The following DIP2C variants were observed in gnomAD, a reference collection of about 807,000 sequenced individuals.
DIP2C encodes the protein disco-interacting protein 2 homolog C.
A neutral mutation model predicts 192.4 loss-of-function variants in DIP2C; 33 were observed. The observed-to-expected ratio is 0.17, with a 90% CI of 0.13 to 0.23. The LOEUF is 0.23. Ranked by LOEUF, DIP2C falls within the 10% of genes least tolerant of loss-of-function variation. DIP2C has a pLI of 1.00. For synonymous variants in DIP2C, 979 were observed against 864.1 expected (o/e 1.13, Z -2.33); for missense variants, 1,537 against 2,110.1 (o/e 0.73, Z 5.32).
intron 1 of DIP2C, among the ~76,000 whole-genome samples, chr10:547,734 AATC>A (rs1307528360): frequency 6.6e-6 from 1 of 152,118 alleles, no homozygotes; most frequent in African/African-American, 2.4e-5. Context: ...GGCTCCCAGA[AATC>A]ATCCTCAAAT....
intron 1 of DIP2C, among the ~76,000 whole-genome samples, chr10:570,125 C>G (rs1172233894): frequency 6.6e-6 from 1 of 152,206 alleles, no homozygotes; most frequent in Non-Finnish European, 1.5e-5. Flanking sequence ...TAGCACTGCA[C>G]AAATCCATGT....
intron 1 of DIP2C, among the ~76,000 whole-genome samples, chr10:605,522 G>A (rs925994136): frequency 6.6e-6 from 1 of 152,200 alleles, no homozygotes; most frequent in Non-Finnish European, 1.5e-5. Context: ...AGACTGTGCT[G>A]GAGAAAGCTC....
rs1857091067 is a variant in DIP2C at position 666,389 on chromosome 10, C to T, written c.85+23105G>A. The T allele has an allele frequency of 6.6e-6, 1 of 152,284 alleles. No homozygotes were observed. Among genetic ancestry groups the T allele is most frequent in the Non-Finnish European group, 1.5e-5 (1 of 68,114 alleles). 9.4% of individuals were successfully genotyped at this position (152,284 alleles called of 1,614,324 possible). ...GCCTCCCTCCCTCACCGCCCTCCCG[C>T]ACTGATGTGAACACGGGAGTAACAC... On this transcript the variant is annotated intron_variant, in intron 1 of 36. Transcript: ENST00000280886. The surrounding 1 kb of genome is among the most constrained non-coding windows in gnomAD (Gnocchi z 4.1).
intron 1 of DIP2C, among the ~76,000 whole-genome samples, chr10:617,809 T>C (rs1327632076): frequency 6.6e-6 from 1 of 151,930 alleles, no homozygotes; most frequent in Non-Finnish European, 1.5e-5. Context: ...ATCCAGGCTC[T>C]GGTGGGTAAC....
intron 1 of DIP2C, chr10:650,554 T>C (rs1855812963): frequency 3.1e-6 from 2 of 646,026 alleles, no homozygotes; most frequent in Non-Finnish European, 5.6e-6. Context: ...TCCCTGAGAA[T>C]GGGATGCAGA....
chr10:436,288 G>A (rs569556872), intron 4 of DIP2C, among the ~76,000 whole-genome samples: 27 of 152,326 alleles, frequency 1.8e-4, no homozygotes, highest in African/African-American at 5.3e-4. Context: ...TGTTGAGCAC[G>A]CTCAGGATCC....
At chr10:341,881 A>G (rs1014246916) in intron 28 of DIP2C, among the ~76,000 whole-genome samples, 1 of 152,160 alleles carries the variant, frequency 6.6e-6, no homozygotes, top group Non-Finnish European at 1.5e-5. Context: ...TGTCTCTTCA[A>G]TAAATTTTAG....
intron 30 of DIP2C, among the ~76,000 whole-genome samples, chr10:328,245 A>G (rs1488406472): frequency 6.6e-6 from 1 of 152,210 alleles, no homozygotes; most frequent in African/African-American, 2.4e-5. Flanking sequence ...CACAAATTAC[A>G]TATTCACACG....
Position 414,904 on chromosome 10 carries a change from A to ATC in DIP2C, c.860-795_860-794insGA, listed in dbSNP as rs1227372945. Among the ~76,000 whole-genome samples, 2 of 77,770 alleles carry ATC rather than the reference A, an allele frequency of 2.6e-5. 1 individual carries two copies. The allele number at this position is 77,770 out of a possible 152,430, so 51.0% of individuals were successfully genotyped here. A position where few individuals can be genotyped will look rare whatever the true frequency, so the allele number is the denominator to read the frequency against. ...TGTGTGTGTGTGTATATATATATAT[A>ATC]TATTTTTTTTTTTTTTTGGTAGAGA... On this transcript the variant is annotated intron_variant, in intron 7 of 36. Transcript: ENST00000280886.
Position 382,670 on chromosome 10 carries a change from C to T in DIP2C, c.1968G>A (p.Glu656=). The T allele has an allele frequency of 6.2e-7, 1 of 1,613,884 alleles. No individual in the cohort carries two copies. Among genetic ancestry groups the T allele is most frequent in the Non-Finnish European group, 8.5e-7 (1 of 1,179,936 alleles). ...ACCTCCGGATGGCCACAGTGAGGGCCTCTGGCGAGCTGGCACAAGGACAGA... is the reference window on the plus strand; with the variant it reads ...ACCTCCGGATGGCCACAGTGAGGGCTTCTGGCGAGCTGGCACAAGGACAGA... The part of the protein sequence containing the change: ...EVICPCASSP[E]ALTVAIRRPT... The change falls in exon 17 of 37, where the codon GAG becomes GAA. Residue 656 remains glutamate (E), a synonymous_variant. Transcript: ENST00000280886.
At chr10:625,649 C>T (rs1381808975) in intron 1 of DIP2C, among the ~76,000 whole-genome samples, 1 of 152,190 alleles carries the variant, frequency 6.6e-6, no homozygotes, top group South Asian at 2.1e-4. Context: ...CATGCACGGC[C>T]TCACGCACAC....
intron 1 of DIP2C, among the ~76,000 whole-genome samples, chr10:546,904 G>A (rs748436603): frequency 1.4e-4 from 21 of 152,186 alleles, no homozygotes; most frequent in Non-Finnish European, 2.6e-4. Flanking sequence ...TGGGAATAAC[G>A]TAAGGTATTT....
intron 1 of DIP2C, among the ~76,000 whole-genome samples, chr10:565,947 G>A (rs570183406): frequency 1.7e-3 from 258 of 152,258 alleles, no homozygotes; most frequent in Admixed American, 2.8e-3. Context: ...TCAGATCCAC[G>A]TCACCCACTC....
intron 1 of DIP2C, among the ~76,000 whole-genome samples, chr10:524,966 T>TAAAAAAAAAAAAAAAAAAAA (rs1564818283): frequency 7.5e-5 from 2 of 26,744 alleles, no homozygotes; most frequent in African/African-American, 8.7e-4. Context: ...AATCACAATT[T>TAAAAAAAAAAAAAAAAAAAA]CAAAAAAAAA....
chr10:291,417 C>G (rs1955492559), intron 32 of DIP2C, among the ~76,000 whole-genome samples: 1 of 152,192 alleles, frequency 6.6e-6, no homozygotes, highest in Non-Finnish European at 1.5e-5. Flanking sequence ...GCAAATGCCA[C>G]ACAGGAATTC....
chr10:597,068 G>A (rs577330482), intron 1 of DIP2C, among the ~76,000 whole-genome samples: 5 of 152,302 alleles, frequency 3.3e-5, no homozygotes, highest in South Asian at 2.1e-4. Context: ...ACCCATCCTC[G>A]CCAGTGTAGG....
At chr10:335,274 T>C (rs1426734344) in intron 29 of DIP2C, among the ~76,000 whole-genome samples, 1 of 152,188 alleles carries the variant, frequency 6.6e-6, no homozygotes, top group South Asian at 2.1e-4. Flanking sequence ...TTAAAATAAT[T>C]CTCTCTCCTT....
At chr10:581,456 A>C (rs1850655332) in intron 1 of DIP2C, among the ~76,000 whole-genome samples, 1 of 150,308 alleles carries the variant, frequency 6.7e-6, no homozygotes, top group African/African-American at 2.5e-5. Flanking sequence ...AAATGTACTT[A>C]GAGGTTTTTT....
chr10:629,089 C>G (rs1240670947), intron 1 of DIP2C, among the ~76,000 whole-genome samples: 1 of 152,204 alleles, frequency 6.6e-6, no homozygotes, highest in Non-Finnish European at 1.5e-5. Context: ...GCCAGTGGGG[C>G]ACTCGCTGTC....
Sources: gnomAD v4.1 joint callset for allele counts (sites outside exome capture counted in the v4.1 genomes callset) on GRCh38, gnomAD v4.1.1 for gene constraint, Gnocchi (gnomAD v3.1) non-coding constraint, MANE v1.5 for transcripts, NCBI Gene and HGNC (gene_info 2026-07-23, HGNC 2026-07-21) for gene names.